Variants in ITPR1 observed in about 807,000 individuals in gnomAD.
ITPR1 encodes inositol 1,4,5-trisphosphate receptor type 1.
In ITPR1, 96 loss-of-function variants were observed where a neutral mutation model predicts 318.4. That is an observed-to-expected ratio of 0.30 (90% confidence interval 0.26 to 0.36). The LOEUF (loss-of-function observed/expected upper bound fraction) is 0.36. Among genes scored for constraint, ITPR1 ranks in the 10% least tolerant of loss-of-function variants. ITPR1 has a pLI of 1.00. For missense variants in ITPR1, 2,440 were observed against 3,460.2 expected, an observed-to-expected ratio of 0.71 and a Z score of 7.40; for synonymous variants, 1,312 against 1,289.9, an observed-to-expected ratio of 1.02 and a Z score of -0.37.
At chr3:4,680,773 G>GA in intron 25 of ITPR1, 82 bp downstream of exon 25, 1 of 1,235,842 alleles carries the variant, frequency 8.1e-7, no homozygotes, top group Non-Finnish European at 1.1e-6. Context: ...GTATCTTCTA[G>GA]AAAAAGGGTG....
chr3:4,624,962 C>T (rs1370433552), intron 4 of ITPR1, among the ~76,000 whole-genome samples: 1 of 152,112 alleles, frequency 6.6e-6, no homozygotes, highest in East Asian at 1.9e-4. Flanking sequence ...ATGACCATGA[C>T]CTGTGTCTTT....
At chr3:4,763,204 G>A (rs2045572948) in intron 44 of ITPR1, among the ~76,000 whole-genome samples, 7 of 152,250 alleles carry the variant, frequency 4.6e-5, no homozygotes, top group Middle Eastern at 3.4e-3. Context: ...CCTGTTGGGG[G>A]AGGCAGGAGT....
intron 51 of ITPR1, among the ~76,000 whole-genome samples, chr3:4,787,309 G>A (rs1028839814): frequency 9.3e-6 from 1 of 107,388 alleles, no homozygotes; most frequent in African/African-American, 3.7e-5. Flanking sequence ...CCATACTCCA[G>A]CCTGGACAAC....
chr3:4,776,172 C>T (rs1158510083), intron 47 of ITPR1, among the ~76,000 whole-genome samples: 7 of 152,248 alleles, frequency 4.6e-5, no homozygotes, highest in South Asian at 4.2e-4. Flanking sequence ...TGGATTCAAG[C>T]GATTCTTCTG....
At chr3:4,600,021 T>A (rs1405902521) in intron 4 of ITPR1, among the ~76,000 whole-genome samples, 2 of 152,240 alleles carry the variant, frequency 1.3e-5, no homozygotes. Flanking sequence ...TGATGTGCTT[T>A]ATCGCTGTTA....
chr3:4,768,570 G>A lies in ITPR1; in HGVS notation c.5785G>A (p.Ala1929Thr), dbSNP rs377199612. ...CCGGGATCAGCTCCTGGAGGCCTCC[G>A]CTGCCACCAGGAAAGCCTTCACCAC... The part of the protein sequence containing the change: ...EVRDQLLEAS[A>T]ATRKAFTTFR... The change falls in exon 46 of 62, where the codon GCT becomes ACT. Residue 1929 changes from alanine to threonine, a missense_variant. This residue lies in a region of ITPR1 where 113 missense variants were observed against 103.6 expected (regional missense o/e 1.09). Coordinates refer to ENST00000649015, the MANE Select transcript of ITPR1 (RefSeq NM_001378452.1). 1.0e-4 allele frequency: 164 copies of A among 1,613,942 alleles called. 1 individual carries two copies. The South Asian group carries it at 1.3e-3, about 13-fold the overall frequency.
At chr3:4,802,697 T>C (rs1575308640) in intron 54 of ITPR1, among the ~76,000 whole-genome samples, 1 of 151,972 alleles carries the variant, frequency 6.6e-6, no homozygotes, top group East Asian at 1.9e-4. Flanking sequence ...GGCATAGTAA[T>C]GCATGCTTGT....
intron 5 of ITPR1, among the ~76,000 whole-genome samples, chr3:4,633,736 T>C (rs2093090822): frequency 6.6e-6 from 1 of 152,266 alleles, no homozygotes; most frequent in South Asian, 2.1e-4. Flanking sequence ...ACTACTGTTT[T>C]CTGACAGCAG....
At chr3:4,696,375 T>C (rs1020574089) in intron 33 of ITPR1, among the ~76,000 whole-genome samples, 1 of 152,244 alleles carries the variant, frequency 6.6e-6, no homozygotes, top group African/African-American at 2.4e-5. Flanking sequence ...TGGTCTTTTA[T>C]GACTGGATTT....
At chr3:4,714,165 A>G (rs1002567266) in intron 39 of ITPR1, among the ~76,000 whole-genome samples, 2 of 152,236 alleles carry the variant, frequency 1.3e-5, no homozygotes, top group Non-Finnish European at 2.9e-5. Flanking sequence ...CTAAAGAAGC[A>G]TGACGCACAG....
intron 19 of ITPR1, 96 bp downstream of exon 19, chr3:4,669,869 G>A (rs2094035127): frequency 2.5e-6 from 3 of 1,214,850 alleles, no homozygotes; most frequent in Non-Finnish European, 3.2e-6. Context: ...TTTTTGAGTT[G>A]ATCTAAAGTC....
At chr3:4,585,879 TAC>T (rs901774858) in intron 4 of ITPR1, among the ~76,000 whole-genome samples, 1 of 152,164 alleles carries the variant, frequency 6.6e-6, no homozygotes, top group African/African-American at 2.4e-5. Flanking sequence ...ATCAACCTGT[TAC>T]CTTCATTAGA....
chr3:4,832,085 G>T (rs1261176993), intron 60 of ITPR1, among the ~76,000 whole-genome samples: 1 of 152,186 alleles, frequency 6.6e-6, no homozygotes, highest in Non-Finnish European at 1.5e-5. Context: ...TCACAGCCCA[G>T]GATGATTATT....
At chr3:4,550,209 T>A (rs1559429501) in intron 4 of ITPR1, among the ~76,000 whole-genome samples, 1 of 152,332 alleles carries the variant, frequency 6.6e-6, no homozygotes, top group East Asian at 1.9e-4. Flanking sequence ...CCCAGATCTC[T>A]CTGAGCAGGG....
rs140426655 is a variant in ITPR1, at chr3:4,496,676, C to T, written c.-17+2170C>T. ...GAGGAAGATCAGGGTGTTGGTATTG[C>T]GGGGAGGGAGGAGAGTGGGCAGAGA... On this transcript the variant is annotated intron_variant, in intron 2 of 61. Coordinates refer to ENST00000649015, the MANE Select transcript of ITPR1 (RefSeq NM_001378452.1). Among the ~76,000 whole-genome samples, 18 of 152,082 alleles carry T rather than the reference C, an allele frequency of 1.2e-4. No homozygotes were observed. The East Asian group carries it at 1.9e-3, about 16-fold the overall frequency.
At chr3:4,572,487 A>G (rs2088127412) in intron 4 of ITPR1, among the ~76,000 whole-genome samples, 1 of 152,204 alleles carries the variant, frequency 6.6e-6, no homozygotes, top group Admixed American at 6.5e-5. Flanking sequence ...TGATTAAGTA[A>G]ACTAGATCTT....
intron 4 of ITPR1, among the ~76,000 whole-genome samples, chr3:4,550,567 A>C (rs2085466869): frequency 6.6e-6 from 1 of 152,232 alleles, no homozygotes; most frequent in South Asian, 2.1e-4. Flanking sequence ...GTTATCTCCA[A>C]GTTAGATTTC....
At chr3:4,780,491 A>G (rs897312843) in intron 49 of ITPR1, among the ~76,000 whole-genome samples, 4 of 152,186 alleles carry the variant, frequency 2.6e-5, no homozygotes, top group Non-Finnish European at 4.4e-5. Context: ...AGCAGCTTTC[A>G]GAGACGGTGA....
chr3:4,795,928 C>T (rs563653989), intron 53 of ITPR1, among the ~76,000 whole-genome samples: 5 of 152,308 alleles, frequency 3.3e-5, no homozygotes, highest in African/African-American at 9.6e-5. Flanking sequence ...CCACAGCAGC[C>T]ACCTGGGAGG....
Sources: allele counts gnomAD v4.1 joint callset (sites outside exome capture counted in the v4.1 genomes callset), GRCh38; gene constraint gnomAD v4.1.1; regional missense constraint gnomAD v4.1.1; transcripts MANE v1.5; gene names NCBI Gene and HGNC (gene_info 2026-07-23, HGNC 2026-07-21).